Variants in OLFM2 observed in about 807,000 individuals in gnomAD.
OLFM2 encodes the protein noelin-2.
In OLFM2, 20 loss-of-function variants were observed where a neutral mutation model predicts 43.9. That is an observed-to-expected ratio of 0.46 (90% CI 0.32 to 0.66). OLFM2 has a LOEUF of 0.66. Among genes scored for constraint, OLFM2 ranks in the 30% least tolerant of loss-of-function variants. The probability of loss-of-function intolerance (pLI) is 0.04; values close to 1 mark genes in which losing one functional copy is unlikely to be tolerated. For missense variants in OLFM2, 416 were observed against 643.6 expected, an observed-to-expected ratio of 0.65 and a Z score of 3.83; for synonymous variants, 268 against 278.6, an observed-to-expected ratio of 0.96 and a Z score of 0.38.
chr19:9,875,280 G>A (rs1017525391), intron 1 of OLFM2, among the ~76,000 whole-genome samples: 8 of 152,174 alleles, frequency 5.3e-5, no homozygotes, highest in African/African-American at 1.9e-4. Flanking sequence ...CTAGCAAGAT[G>A]GGGTTTCTTC....
intron 1 of OLFM2, among the ~76,000 whole-genome samples, chr19:9,878,148 C>G (rs904590410): frequency 1.3e-5 from 2 of 152,140 alleles, no homozygotes; most frequent in Non-Finnish European, 2.9e-5. Flanking sequence ...CCACACCCAG[C>G]CCTTTATAAA....
intron 1 of OLFM2, among the ~76,000 whole-genome samples, chr19:9,894,519 G>T (rs1277084530): frequency 6.6e-6 from 1 of 151,700 alleles, no homozygotes; most frequent in African/African-American, 2.4e-5. Context: ...AGACCACCCT[G>T]ACCAACACGG....
In OLFM2 at chr19:9,856,326, G is replaced by T. The variant is rs1248316814; in HGVS notation, c.687+481C>A. 6.6e-6 allele frequency among the ~76,000 whole-genome samples: 1 copy of T among 152,076 alleles called. No homozygotes were observed. The highest frequency in any genetic ancestry group is 1.9e-4 in the East Asian group (1 of 5,162). On this transcript the variant is annotated intron_variant, in intron 5 of 5. Coordinates refer to ENST00000264833, the MANE Select transcript of OLFM2 (RefSeq NM_058164.4). The surrounding 1 kb of genome is among the most constrained non-coding windows in gnomAD (Gnocchi z 4.0). ...TTGGTCAGGCTGGTCTCGAACTCCC[G>T]ACCTCAGGTGATCCGCCCACCTCAG...
chr19:9,902,422 G>A lies in OLFM2; in HGVS notation c.63+33882C>T, dbSNP rs142055093. 1.3e-3 allele frequency among the ~76,000 whole-genome samples: 150 copies of A among 117,236 alleles called. 2 individuals are homozygous for A. The East Asian group carries it at 0.037, about 29-fold the overall frequency. 76.9% of individuals were successfully genotyped at this position (117,236 alleles called of 152,430 possible). On this transcript the variant is annotated intron_variant, in intron 1 of 5. Coordinates refer to ENST00000264833, the MANE Select transcript of OLFM2 (RefSeq NM_058164.4). Reference sequence around the variant, plus strand: ...TTTTGAGATGGAGTCTCACTCAGTCGCCCAGGCTGGAGTGCAATGGCGTGA... The same window carrying A: ...TTTTGAGATGGAGTCTCACTCAGTCACCCAGGCTGGAGTGCAATGGCGTGA...
chr19:9,853,905 CGG>C lies in OLFM2; in HGVS notation c.*279_*280del. 1.8e-6 allele frequency: 1 copy of C among 565,384 alleles called. No homozygotes were observed. Among genetic ancestry groups the C allele is most frequent in the East Asian group, 2.9e-5 (1 of 34,662 alleles). 35.0% of individuals were successfully genotyped at this position (565,384 alleles called of 1,614,324 possible). ...AGAGAGAGACAGAGAGAGGCAGAGA[CGG>C]AAAGAACTGGAGAACCAGAGCCATA... On this transcript the variant is annotated 3_prime_UTR_variant, in exon 6 of 6. Transcript: ENST00000264833.
chr19:9,932,501 C>G (rs564337706), intron 1 of OLFM2, among the ~76,000 whole-genome samples: 1 of 150,674 alleles, frequency 6.6e-6, no homozygotes, highest in Non-Finnish European at 1.5e-5. Flanking sequence ...AAAAAGAACA[C>G]GGAGTAAGCA....
chr19:9,890,353 C>G (rs1034452786), intron 1 of OLFM2, among the ~76,000 whole-genome samples: 2 of 152,010 alleles, frequency 1.3e-5, no homozygotes, highest in African/African-American at 4.8e-5. Context: ...GTATCTGAAG[C>G]TAAGGGAAGA....
At chr19:9,858,725 A>G (rs1476688055) in intron 2 of OLFM2, among the ~76,000 whole-genome samples, 1 of 152,208 alleles carries the variant, frequency 6.6e-6, no homozygotes, top group Non-Finnish European at 1.5e-5. Context: ...AGATAAGTTG[A>G]ACTCCCCCTG....
chr19:9,915,228 C>T (rs984501242), intron 1 of OLFM2, among the ~76,000 whole-genome samples: 1 of 129,152 alleles, frequency 7.7e-6, no homozygotes, highest in Admixed American at 9.0e-5. Context: ...TATTCTTTTT[C>T]TTTTCTCTCT....
At chr19:9,935,283 C>T (rs1200477515) in intron 1 of OLFM2, among the ~76,000 whole-genome samples, 1 of 152,060 alleles carries the variant, frequency 6.6e-6, no homozygotes, top group African/African-American at 2.4e-5. Flanking sequence ...TCCCAGCTTC[C>T]CTGTGAACTC....
intron 1 of OLFM2, among the ~76,000 whole-genome samples, chr19:9,865,731 A>T (rs1301725937): frequency 6.7e-6 from 1 of 149,338 alleles, no homozygotes; most frequent in Admixed American, 6.7e-5. Context: ...ACCTCAAATG[A>T]TCCACCCGCC....
chr19:9,888,766 TTTG>T (rs1473841844), intron 1 of OLFM2, among the ~76,000 whole-genome samples: 3 of 152,094 alleles, frequency 2.0e-5, no homozygotes, highest in Non-Finnish European at 4.4e-5. Flanking sequence ...CTGGTATCCA[TTTG>T]TTATTTTTAA....
intron 1 of OLFM2, among the ~76,000 whole-genome samples, chr19:9,872,922 C>T (rs1161969110): frequency 1.3e-5 from 2 of 152,182 alleles, no homozygotes; most frequent in Non-Finnish European, 2.9e-5. Flanking sequence ...TACTCCCATT[C>T]TGAATTTCAT....
chr19:9,897,163 T>C (rs1226643221), intron 1 of OLFM2, among the ~76,000 whole-genome samples: 1 of 151,998 alleles, frequency 6.6e-6, no homozygotes, highest in East Asian at 1.9e-4. Context: ...ACCCCATCTC[T>C]ACTAAAAATA....
chr19:9,922,079 G>A (rs1373228131), intron 1 of OLFM2, among the ~76,000 whole-genome samples: 3 of 149,460 alleles, frequency 2.0e-5, no homozygotes, highest in Non-Finnish European at 4.4e-5. Flanking sequence ...GGGCAACAGA[G>A]TGAGACCCTG....
At chr19:9,904,014 C>T (rs187204493) in intron 1 of OLFM2, among the ~76,000 whole-genome samples, 1 of 152,234 alleles carries the variant, frequency 6.6e-6, no homozygotes, top group East Asian at 1.9e-4. Context: ...ACACTGAGGG[C>T]TGCATCACCA....
chr19:9,932,881 G>T (rs943995830), intron 1 of OLFM2, among the ~76,000 whole-genome samples: 1 of 152,144 alleles, frequency 6.6e-6, no homozygotes, highest in Non-Finnish European at 1.5e-5. Flanking sequence ...ATCTTGGATA[G>T]ATCCTGGATG....
chr19:9,902,028 A>G (rs1048686697), intron 1 of OLFM2, among the ~76,000 whole-genome samples: 2 of 150,030 alleles, frequency 1.3e-5, no homozygotes, highest in Non-Finnish European at 3.0e-5. Context: ...TATACTGACT[A>G]TATATATATA....
At chr19:9,916,923 C>T (rs1227762599) in intron 1 of OLFM2, among the ~76,000 whole-genome samples, 7 of 152,138 alleles carry the variant, frequency 4.6e-5, no homozygotes, top group Non-Finnish European at 7.3e-5. Flanking sequence ...ACTTCAGAGA[C>T]ACGGTATCAC....
Sources: allele counts gnomAD v4.1 joint callset (sites outside exome capture counted in the v4.1 genomes callset), GRCh38; gene constraint gnomAD v4.1.1; non-coding constraint Gnocchi (gnomAD v3.1); transcripts MANE v1.5; gene names NCBI Gene and HGNC (gene_info 2026-07-23, HGNC 2026-07-21).